MARCHF1: variants seen among roughly 807,000 people sequenced by gnomAD.
MARCHF1 encodes the protein E3 ubiquitin-protein ligase MARCHF1.
Under a neutral mutation model 54.2 loss-of-function variants are expected in MARCHF1, and 40 were observed. The ratio of observed to expected loss-of-function variants is 0.74; its 90% CI spans 0.57 to 0.96. MARCHF1 has a LOEUF of 0.96. MARCHF1 is among the 40% of genes least tolerant of loss of function. The pLI is 0.00. For synonymous variants in MARCHF1, 236 were observed against 236.3 expected (o/e 1.00, Z 0.01); for missense variants, 586 against 656.5 (o/e 0.89, Z 1.17).
At chr4:164,377,757 T>C (rs1161086169) in intron 1 of MARCHF1, among the ~76,000 whole-genome samples, 2 of 152,194 alleles carry the variant, frequency 1.3e-5, no homozygotes, top group Non-Finnish European at 2.9e-5. Flanking sequence ...GTCACAAAGA[T>C]TTACCTCAAA....
rs1376508774 is a variant in MARCHF1 at position 163,988,554 on chromosome 4, T to G, written c.-92A>C. 6.6e-6 allele frequency: 1 copy of G among 152,318 alleles called. No homozygotes were observed. Among genetic ancestry groups the G allele is most frequent in the Non-Finnish European group, 1.5e-5 (1 of 68,126 alleles). 9.4% of individuals were successfully genotyped at this position (152,318 alleles called of 1,614,324 possible). ...CTGCCCATTGAATTTCTCCCATTGCTGGCAGTCTCCCGTGCTGGGATTACG... is the reference window on the plus strand; with the variant it reads ...CTGCCCATTGAATTTCTCCCATTGCGGGCAGTCTCCCGTGCTGGGATTACG... On this transcript the variant is annotated 5_prime_UTR_variant, in exon 3 of 10. Transcript: ENST00000514618.
At chr4:163,811,499 A>C (rs1579305367) in intron 4 of MARCHF1, among the ~76,000 whole-genome samples, 1 of 152,206 alleles carries the variant, frequency 6.6e-6, no homozygotes, top group East Asian at 1.9e-4. Context: ...AAGAAAAGAA[A>C]GGAAAGAGAG....
intron 2 of MARCHF1, among the ~76,000 whole-genome samples, chr4:164,010,261 T>G (rs898455510): frequency 1.3e-5 from 2 of 151,222 alleles, no homozygotes; most frequent in African/African-American, 4.9e-5. Context: ...TTTGGTTTTT[T>G]TTTTTTTCTG....
intron 1 of MARCHF1, among the ~76,000 whole-genome samples, chr4:164,159,985 C>G (rs904904604): frequency 2.0e-5 from 3 of 152,110 alleles, no homozygotes; most frequent in Admixed American, 2.0e-4. Context: ...TTTTAACACC[C>G]TTCCTTCTGA....
chr4:164,333,703 T>G (rs538355554), intron 1 of MARCHF1, among the ~76,000 whole-genome samples: 1 of 152,200 alleles, frequency 6.6e-6, no homozygotes. Flanking sequence ...TCTAAGTGTT[T>G]AAGAGAAAGG....
chr4:164,350,912 G>C (rs1400762189), intron 1 of MARCHF1, among the ~76,000 whole-genome samples: 3 of 152,062 alleles, frequency 2.0e-5, no homozygotes, highest in Non-Finnish European at 4.4e-5. Context: ...GCGTGCACCG[G>C]GCGCGAGCCG....
intron 3 of MARCHF1, among the ~76,000 whole-genome samples, chr4:163,926,623 C>G (rs1209820095): frequency 6.6e-6 from 1 of 151,592 alleles, no homozygotes; most frequent in Non-Finnish European, 1.5e-5. Context: ...AGTTGCTCTA[C>G]ATCCTTAAAA....
At chr4:164,135,088 C>G (rs1292337203) in intron 1 of MARCHF1, among the ~76,000 whole-genome samples, 1 of 152,178 alleles carries the variant, frequency 6.6e-6, no homozygotes, top group Non-Finnish European at 1.5e-5. Context: ...TATTAGTACA[C>G]CTTGTGTCTT....
At chr4:163,749,602 T>C (rs1209973393) in intron 4 of MARCHF1, among the ~76,000 whole-genome samples, 1 of 152,152 alleles carries the variant, frequency 6.6e-6, no homozygotes, top group African/African-American at 2.4e-5. Flanking sequence ...ATCTCTTTTC[T>C]ATTCCTAGTT....
chr4:164,021,931 G>A (rs532067689), intron 2 of MARCHF1, among the ~76,000 whole-genome samples: 110 of 151,660 alleles, frequency 7.3e-4, no homozygotes, highest in Non-Finnish European at 1.1e-3. Flanking sequence ...TACACATCCA[G>A]GTTAATTTTA....
intron 2 of MARCHF1, among the ~76,000 whole-genome samples, chr4:164,097,461 A>G (rs1163583051): frequency 6.6e-6 from 1 of 152,210 alleles, no homozygotes; most frequent in African/African-American, 2.4e-5. Flanking sequence ...ATCATAAACT[A>G]TGATTTATAC....
In MARCHF1 at chr4:164,368,419, C is replaced by T. The variant is rs546260715; in HGVS notation, c.-323+15451G>A. Among the ~76,000 whole-genome samples, 25 of 151,934 alleles carry T rather than the reference C, an allele frequency of 1.6e-4. No homozygotes were observed. The East Asian group carries it at 4.4e-3, about 27-fold the overall frequency. On this transcript the variant is annotated intron_variant, in intron 1 of 9. Transcript: ENST00000514618. Reference sequence around the variant, plus strand: ...ATTAGTAACTTAAAATACACCAATACTAGAAGGTTTTATAGGGAAGTTTTG... The same window carrying T: ...ATTAGTAACTTAAAATACACCAATATTAGAAGGTTTTATAGGGAAGTTTTG...
chr4:163,800,182 T>C (rs999925960), intron 4 of MARCHF1, among the ~76,000 whole-genome samples: 2 of 151,984 alleles, frequency 1.3e-5, no homozygotes, highest in Non-Finnish European at 2.9e-5. Context: ...ACTATGATTA[T>C]ACCTGGGGAA....
chr4:163,661,494 T>C (rs1474306754), intron 5 of MARCHF1, among the ~76,000 whole-genome samples: 1 of 151,992 alleles, frequency 6.6e-6, no homozygotes, highest in East Asian at 1.9e-4. Flanking sequence ...GAAGCCCTTT[T>C]TCCTGAATCC....
At chr4:164,192,592 C>T (rs1170198523) in intron 1 of MARCHF1, among the ~76,000 whole-genome samples, 22 of 151,914 alleles carry the variant, frequency 1.4e-4, no homozygotes, top group Non-Finnish European at 2.9e-5. Flanking sequence ...TGGCAAGTTA[C>T]AAGTTATAAT....
At chr4:163,692,733 A>G (rs1357315490) in intron 5 of MARCHF1, among the ~76,000 whole-genome samples, 1 of 151,388 alleles carries the variant, frequency 6.6e-6, no homozygotes. Flanking sequence ...AAATATAAGG[A>G]TGATTGTTTC....
intron 1 of MARCHF1, among the ~76,000 whole-genome samples, chr4:164,293,448 A>G (rs1734336160): frequency 6.6e-6 from 1 of 152,216 alleles, no homozygotes; most frequent in African/African-American, 2.4e-5. Context: ...GTCGATAAAT[A>G]CTGCCTCCCC....
chr4:163,636,076 G>A (rs1420202992), intron 5 of MARCHF1, among the ~76,000 whole-genome samples: 1 of 152,138 alleles, frequency 6.6e-6, no homozygotes, highest in Non-Finnish European at 1.5e-5. Context: ...AATAAATTAG[G>A]TATCGATGGG....
chr4:163,634,521 G>A (rs13138123), intron 5 of MARCHF1, among the ~76,000 whole-genome samples: 45,786 of 149,086 alleles, frequency 0.31, 8,120 homozygotes, highest in Non-Finnish European at 0.4. Context: ...TAATGGTAAA[G>A]GGATGAATTC....
Sources: gnomAD v4.1 joint callset for allele counts (sites outside exome capture counted in the v4.1 genomes callset) on GRCh38, gnomAD v4.1.1 for gene constraint, MANE v1.5 for transcripts, NCBI Gene and HGNC (gene_info 2026-07-23, HGNC 2026-07-21) for gene names.